Variants in ADGRL2 observed in about 807,000 individuals in gnomAD.
The protein encoded by ADGRL2 is calcium-independent alpha-latrotoxin receptor 2.
In ADGRL2, 44 loss-of-function variants were observed where a neutral mutation model predicts 157.4. The ratio of observed to expected loss-of-function variants is 0.28; its 90% confidence interval spans 0.22 to 0.36. ADGRL2 has a LOEUF of 0.36. Ranked by LOEUF, ADGRL2 falls within the 10% of genes least tolerant of loss-of-function variation. ADGRL2 has a pLI of 1.00. For synonymous variants in ADGRL2, 585 were observed against 624.7 expected (o/e 0.94, Z 0.95); for missense variants, 1,510 against 1,768.9 (o/e 0.85, Z 2.63).
At chr1:81,544,426 A>G (rs1272004780) in intron 2 of ADGRL2, among the ~76,000 whole-genome samples, 4 of 152,156 alleles carry the variant, frequency 2.6e-5, no homozygotes, top group Non-Finnish European at 4.4e-5. Flanking sequence ...ATAGTTACTT[A>G]TGTCTTCGAA....
chr1:81,441,922 A>T (rs1394791438), intron 1 of ADGRL2, among the ~76,000 whole-genome samples: 2 of 151,860 alleles, frequency 1.3e-5, no homozygotes, highest in Non-Finnish European at 2.9e-5. Flanking sequence ...TCACTGCAGG[A>T]CCTCCTGGCC....
intron 2 of ADGRL2, among the ~76,000 whole-genome samples, chr1:81,468,527 C>T (rs1028548509): frequency 1.3e-5 from 2 of 152,090 alleles, no homozygotes; most frequent in Admixed American, 6.6e-5. Flanking sequence ...ACAATGAATA[C>T]AAACCATGTT....
intron 2 of ADGRL2, among the ~76,000 whole-genome samples, chr1:81,456,519 TA>T (rs1235798104): frequency 6.6e-6 from 1 of 152,198 alleles, no homozygotes; most frequent in Admixed American, 6.5e-5. Context: ...GTTACAGGCA[TA>T]AGCCGTCACT....
intron 1 of ADGRL2, among the ~76,000 whole-genome samples, chr1:81,804,497 G>A (rs948910780): frequency 3.9e-5 from 6 of 152,194 alleles, no homozygotes; most frequent in Non-Finnish European, 8.8e-5. Flanking sequence ...CCAAGCGGAG[G>A]CCCAAAGGGC....
At chr1:81,544,173 AT>A (rs2079958348) in intron 2 of ADGRL2, among the ~76,000 whole-genome samples, 1 of 152,136 alleles carries the variant, frequency 6.6e-6, no homozygotes, top group Non-Finnish European at 1.5e-5. Context: ...TAAGTAATTT[AT>A]TATGTTTATT....
chr1:81,426,603 A>G (rs142016292), intron 1 of ADGRL2: 112 of 476,910 alleles, frequency 2.3e-4, no homozygotes, highest in African/African-American at 2.1e-3. Context: ...GACAGATGAT[A>G]GTTTAAGAGA....
At chr1:81,962,063 T>C (rs1258768233) in intron 11 of ADGRL2, among the ~76,000 whole-genome samples, 2 of 152,084 alleles carry the variant, frequency 1.3e-5, no homozygotes, top group African/African-American at 4.8e-5. Context: ...ACATACTCCC[T>C]AGAAATAGAA....
In ADGRL2 at chr1:81,955,841, C is replaced by T. The variant is rs759336353; in HGVS notation, c.1834-36C>T. On this transcript the variant is annotated intron_variant, in intron 10 of 23. Transcript: ENST00000686636. ...CTGAAAATCACTTTGGTTCTAAAAG[C>T]GGTCAAAACTAATGATAGTTTTCTA... 5.0e-6 allele frequency: 7 copies of T among 1,393,168 alleles called. No individual in the cohort carries two copies. The South Asian group carries it at 5.6e-5, about 11-fold the overall frequency. The allele number at this position is 1,393,168 out of a possible 1,614,324, so 86.3% of individuals were successfully genotyped here.
intron 1 of ADGRL2, among the ~76,000 whole-genome samples, chr1:81,824,483 T>A (rs1342995135): frequency 1.3e-5 from 2 of 151,836 alleles, no homozygotes; most frequent in African/African-American, 4.8e-5. Context: ...TTAATTTGCC[T>A]AGACTGAACT....
chr1:81,349,792 T>C (rs564892528), intron 1 of ADGRL2, among the ~76,000 whole-genome samples: 12 of 152,072 alleles, frequency 7.9e-5, no homozygotes, highest in Non-Finnish European at 1.5e-4. Flanking sequence ...GACCACATAT[T>C]TATCTATTTC....
At chr1:81,429,883 T>C (rs1330214448) in intron 1 of ADGRL2, among the ~76,000 whole-genome samples, 1 of 152,094 alleles carries the variant, frequency 6.6e-6, no homozygotes. Context: ...TTTTTGTTTT[T>C]TGTTTTGTTG....
intron 2 of ADGRL2, among the ~76,000 whole-genome samples, chr1:81,875,180 G>A (rs912464334): frequency 6.6e-5 from 10 of 152,096 alleles, no homozygotes; most frequent in African/African-American, 1.9e-4. Flanking sequence ...GTGATGGTGG[G>A]TCGTTTATAA....
At chr1:81,887,635 C>G (rs936276742) in intron 2 of ADGRL2, among the ~76,000 whole-genome samples, 1 of 152,080 alleles carries the variant, frequency 6.6e-6, no homozygotes. Context: ...CCAACATTCC[C>G]GAGTGAAATT....
At chr1:81,636,444 C>T (rs2082116776) in intron 3 of ADGRL2, among the ~76,000 whole-genome samples, 1 of 152,098 alleles carries the variant, frequency 6.6e-6, no homozygotes, top group African/African-American at 2.4e-5. Flanking sequence ...CTGTCCCTTG[C>T]TTTAGGGGTA....
chr1:81,663,179 C>T (rs1157364665), intron 3 of ADGRL2, among the ~76,000 whole-genome samples: 2 of 151,648 alleles, frequency 1.3e-5, no homozygotes, highest in Non-Finnish European at 2.9e-5. Context: ...TGTCTTTAAC[C>T]CTCTCATCAA....
chr1:81,876,085 G>C (rs1308070941), intron 2 of ADGRL2, among the ~76,000 whole-genome samples: 2 of 152,124 alleles, frequency 1.3e-5, no homozygotes, highest in Non-Finnish European at 2.9e-5. Flanking sequence ...CATTTTACCA[G>C]AGTTACCATA....
intron 1 of ADGRL2, among the ~76,000 whole-genome samples, chr1:81,747,211 AT>A (rs1177644260): frequency 6.8e-6 from 1 of 147,054 alleles, no homozygotes; most frequent in African/African-American, 2.5e-5. Flanking sequence ...ATATATATGT[AT>A]GTGTGTATAT....
chr1:81,541,678 G>A (rs866965283), intron 2 of ADGRL2, among the ~76,000 whole-genome samples: 3 of 151,988 alleles, frequency 2.0e-5, no homozygotes, highest in African/African-American at 2.4e-5. Flanking sequence ...GGCTGGGCAC[G>A]GTTGCTCACG....
chr1:81,640,039 A>G (rs1330191801), intron 3 of ADGRL2, among the ~76,000 whole-genome samples: 1 of 152,164 alleles, frequency 6.6e-6, no homozygotes, highest in African/African-American at 2.4e-5. Context: ...TGGCTAAGGA[A>G]CATATTTCAA....
Sources: allele counts gnomAD v4.1 joint callset (sites outside exome capture counted in the v4.1 genomes callset), GRCh38; gene constraint gnomAD v4.1.1; transcripts MANE v1.5; gene names NCBI Gene and HGNC (gene_info 2026-07-23, HGNC 2026-07-21).